Variants in APCDD1 observed in about 807,000 individuals in gnomAD.
The protein encoded by APCDD1 is protein APCDD1.
A neutral mutation model predicts 38.1 loss-of-function variants in APCDD1; 15 were observed. The ratio of observed to expected loss-of-function variants is 0.39; its 90% CI spans 0.26 to 0.61. APCDD1 has a LOEUF of 0.61. Among genes scored for constraint, APCDD1 ranks in the 20% least tolerant of loss-of-function variants. The pLI, the probability that APCDD1 is intolerant of heterozygous loss-of-function variation, is 0.49. For missense variants in APCDD1, 647 were observed against 696.2 expected (o/e 0.93, Z 0.79); for synonymous variants, 261 against 279.7 (o/e 0.93, Z 0.67).
intron 1 of APCDD1, among the ~76,000 whole-genome samples, chr18:10,466,784 T>A (rs765596124): frequency 3.9e-5 from 6 of 152,130 alleles, no homozygotes; most frequent in Non-Finnish European, 5.9e-5. Flanking sequence ...ATGTTTAGAG[T>A]TTGCCCCATT....
chr18:10,471,614 T>C lies in APCDD1; in HGVS notation c.327T>C (p.Tyr109=), dbSNP rs775879731. The C allele has an allele frequency of 3.7e-6, 6 of 1,614,062 alleles. No homozygotes were observed. The highest frequency in any genetic ancestry group is 3.4e-6 in the Non-Finnish European group (4 of 1,180,038). Residue 109 remains tyrosine, a synonymous_variant, in exon 3 of 5, where the codon TAT becomes TAC. Transcript: ENST00000355285. The surrounding 1 kb of genome is among the most constrained non-coding windows in gnomAD (Gnocchi z 5.5). ...ACACCTTCAAGGCCTACCAATTTTA[T>C]TATGGCAGCAACCGGTGCACAAATC... The part of the protein sequence containing the change: ...HNNTFKAYQF[Y]YGSNRCTNPT...
At position 10,467,709 on chromosome 18, in the gene APCDD1, T is replaced by C. The variant is rs1482982092; in HGVS notation, c.59-760T>C. Among the ~76,000 whole-genome samples the C allele has an allele frequency of 6.6e-6, 1 of 152,172 alleles. No individual in the cohort carries two copies. The highest frequency in any genetic ancestry group is 1.5e-5 in the Non-Finnish European group (1 of 68,028). Reference sequence around the variant, plus strand: ...TTGTATGTTTAGGTTATTTCTGGCCTTGTGAGGGTGAGGGGCTGGACTTGG... The same window carrying C: ...TTGTATGTTTAGGTTATTTCTGGCCCTGTGAGGGTGAGGGGCTGGACTTGG... On this transcript the variant is annotated intron_variant, in intron 1 of 4. Coordinates refer to ENST00000355285, the MANE Select transcript of APCDD1 (RefSeq NM_153000.5). This position sits in a 1 kb window ranked among gnomAD's most constrained non-coding sequence, Gnocchi z 4.8.
chr18:10,481,682 T>TTAA (rs71360238), intron 3 of APCDD1, among the ~76,000 whole-genome samples: 1 of 143,096 alleles, frequency 7.0e-6, no homozygotes, highest in African/African-American at 2.6e-5. Flanking sequence ...AACACAGTAA[T>TTAA]AAAAAAAAAA....
intron 3 of APCDD1, among the ~76,000 whole-genome samples, chr18:10,479,143 T>C (rs1197783029): frequency 3.3e-5 from 5 of 152,250 alleles, no homozygotes; most frequent in Non-Finnish European, 5.9e-5. Flanking sequence ...AGCAGAAATT[T>C]AATCAAATAC....
Position 10,471,656 on chromosome 18 carries a change from C to G in APCDD1, c.369C>G (p.Ile123Met). The change falls in exon 3 of 5, where the codon ATC (isoleucine) becomes ATG (methionine). Residue 123 changes from isoleucine to methionine, a missense_variant. Transcript: ENST00000355285. This position sits in a 1 kb window ranked among gnomAD's most constrained non-coding sequence, Gnocchi z 5.5. ...GCACAAATCCCACTTATACTCTCAT[C>G]ATCCGGGGCAAGATCCGCCTCCGCC... ...NRCTNPTYTL[I>M]IRGKIRLRQA... The G allele has an allele frequency of 1.9e-6, 3 of 1,614,208 alleles. No homozygotes were observed. The highest frequency in any genetic ancestry group is 2.5e-6 in the Non-Finnish European group (3 of 1,180,042).
In APCDD1 at chr18:10,475,778, C is replaced by G. The variant is rs1248714667; in HGVS notation, c.774+3717C>G. The G allele has an allele frequency of 1.4e-5, 2 of 143,320 alleles. No homozygotes were observed. Among genetic ancestry groups the G allele is most frequent in the African/African-American group, 5.6e-5 (2 of 35,870 alleles). The allele number at this position is 143,320 out of a possible 1,614,324, so 8.9% of individuals were successfully genotyped here. ...AGGCTTCCTGAGCCAGCCTAGCTGC[C>G]TCGCAAGATGGCTGAGGGGGGGGGG... On this transcript the variant is annotated intron_variant, in intron 3 of 4. Coordinates refer to ENST00000355285, the MANE Select transcript of APCDD1 (RefSeq NM_153000.5). The surrounding 1 kb of genome is among the most constrained non-coding windows in gnomAD (Gnocchi z 4.0).
rs938124253 is a variant in APCDD1, at chr18:10,475,471, A to G, written c.774+3410A>G. 6.6e-6 allele frequency among the ~76,000 whole-genome samples: 1 copy of G among 152,198 alleles called. No individual in the cohort carries two copies. Among genetic ancestry groups the G allele is most frequent in the Non-Finnish European group, 1.5e-5 (1 of 68,034 alleles). ...TGATACCATCTGCATAAAACTAATA[A>G]TGAAAGGAGAAGAAGAGGGACTCTT... On this transcript the variant is annotated intron_variant, in intron 3 of 4. Coordinates refer to ENST00000355285, the MANE Select transcript of APCDD1 (RefSeq NM_153000.5). The surrounding 1 kb of genome is among the most constrained non-coding windows in gnomAD (Gnocchi z 4.0).
At chr18:10,460,790 C>G (rs2030520813) in intron 1 of APCDD1, among the ~76,000 whole-genome samples, 2 of 152,164 alleles carry the variant, frequency 1.3e-5, no homozygotes, top group Non-Finnish European at 2.9e-5. Flanking sequence ...TCCGGGTACA[C>G]TGGCGTGCTT....
At chr18:10,468,719 G>C in intron 2 of APCDD1, 67 bp downstream of exon 2, 2 of 1,510,126 alleles carry the variant, frequency 1.3e-6, no homozygotes, top group Non-Finnish European at 9.2e-7. Flanking sequence ...CTTCTTATGG[G>C]TTCTCAGATG....
At chr18:10,479,685 T>A (rs2143552714) in intron 3 of APCDD1, among the ~76,000 whole-genome samples, 1 of 152,322 alleles carries the variant, frequency 6.6e-6, no homozygotes, top group South Asian at 2.1e-4. Context: ...CATCTGACTT[T>A]TTCTCTCCAG....
At chr18:10,468,708 C>A (rs1211100662) in intron 2 of APCDD1, 56 bp downstream of exon 2, 2 of 1,567,060 alleles carry the variant, frequency 1.3e-6, no homozygotes, top group African/African-American at 1.4e-5. Flanking sequence ...TATGGAAGAC[C>A]CTTCTTATGG....
At chr18:10,464,836 C>T (rs1010592383) in intron 1 of APCDD1, among the ~76,000 whole-genome samples, 2 of 152,310 alleles carry the variant, frequency 1.3e-5, no homozygotes, top group Admixed American at 6.5e-5. Flanking sequence ...CCTGGAGGCC[C>T]TATGTCCTTA....
intron 1 of APCDD1, 144 bp downstream of exon 1, chr18:10,455,183 T>G (rs1433790165): frequency 2.2e-6 from 3 of 1,369,572 alleles, no homozygotes; most frequent in Non-Finnish European, 2.9e-6. Flanking sequence ...GCCCCGCGCC[T>G]GCCGTCTCAG....
At chr18:10,464,244 C>T (rs1236612187) in intron 1 of APCDD1, among the ~76,000 whole-genome samples, 1 of 151,542 alleles carries the variant, frequency 6.6e-6, no homozygotes, top group East Asian at 1.9e-4. Context: ...TTCCCAGAAC[C>T]TCCTTCATCA....
chr18:10,462,133 C>A (rs1311660019), intron 1 of APCDD1, among the ~76,000 whole-genome samples: 1 of 152,100 alleles, frequency 6.6e-6, no homozygotes, highest in East Asian at 1.9e-4. Flanking sequence ...ACCAACACTT[C>A]CAATTACACA....
intron 1 of APCDD1, among the ~76,000 whole-genome samples, chr18:10,464,337 C>CACACACACACAT (rs1455602341): frequency 6.6e-6 from 1 of 150,398 alleles, no homozygotes. Flanking sequence ...CACACACACA[C>CACACACACACAT]ACACACAGAC....
At chr18:10,457,239 A>G (rs2030405898) in intron 1 of APCDD1, among the ~76,000 whole-genome samples, 1 of 152,216 alleles carries the variant, frequency 6.6e-6, no homozygotes, top group African/African-American at 2.4e-5. Context: ...AGCAAGGATA[A>G]TGTAAAGCAC....
chr18:10,484,578 C>T (rs765424966), intron 3 of APCDD1, among the ~76,000 whole-genome samples: 9 of 152,208 alleles, frequency 5.9e-5, no homozygotes, highest in Non-Finnish European at 1.0e-4. Context: ...TAAACCACTC[C>T]TTGTCCCCCC....
At position 10,470,615 on chromosome 18, in the gene APCDD1, C is replaced by T. The variant is rs2030827673; in HGVS notation, c.243-915C>T. On this transcript the variant is annotated intron_variant, in intron 2 of 4. Transcript: ENST00000355285. This position sits in a 1 kb window ranked among gnomAD's most constrained non-coding sequence, Gnocchi z 4.1. ...CATAGATGAGAGCAGAGTGGGAAGG[C>T]CAGAATTGATGAGCTGAAAGTCATG... is the stretch of plus-strand genomic sequence containing the variant. 6.6e-6 allele frequency among the ~76,000 whole-genome samples: 1 copy of T among 152,170 alleles called. No individual in the cohort carries two copies. The highest frequency in any genetic ancestry group is 2.4e-5 in the African/African-American group (1 of 41,434).
Sources: gnomAD v4.1 joint callset for allele counts (sites outside exome capture counted in the v4.1 genomes callset) on GRCh38, gnomAD v4.1.1 for gene constraint, Gnocchi (gnomAD v3.1) non-coding constraint, MANE v1.5 for transcripts, NCBI Gene and HGNC (gene_info 2026-07-23, HGNC 2026-07-21) for gene names.